The following KCNIP1 variants were observed in gnomAD, a reference collection of about 807,000 sequenced individuals.
KCNIP1 encodes the protein A-type potassium channel modulatory protein KCNIP1.
A neutral mutation model predicts 33.0 loss-of-function variants in KCNIP1; 18 were observed. The observed-to-expected ratio is 0.55, with a 90% CI of 0.38 to 0.81. The LOEUF is 0.81. Ranked by LOEUF, KCNIP1 falls within the 30% of genes least tolerant of loss-of-function variation. KCNIP1 has a pLI of 0.00. For missense variants in KCNIP1, 238 were observed against 271.6 expected (o/e 0.88, Z 0.87); for synonymous variants, 93 against 98.3 (o/e 0.95, Z 0.32).
intron 1 of KCNIP1, among the ~76,000 whole-genome samples, chr5:170,528,602 G>A (rs570663011): frequency 2.0e-5 from 3 of 152,290 alleles, no homozygotes; most frequent in Admixed American, 2.0e-4. Flanking sequence ...CTTGTGCCAG[G>A]CATATATGGA....
At chr5:170,626,383 G>A (rs1374100817) in intron 1 of KCNIP1, among the ~76,000 whole-genome samples, 1 of 152,168 alleles carries the variant, frequency 6.6e-6, no homozygotes, top group Non-Finnish European at 1.5e-5. Flanking sequence ...TCTAACGAGA[G>A]TGTGCTAGCT....
intron 1 of KCNIP1, among the ~76,000 whole-genome samples, chr5:170,470,370 C>G (rs999367774): frequency 5.3e-5 from 8 of 152,006 alleles, no homozygotes; most frequent in Non-Finnish European, 4.4e-5. Context: ...CCTATGCCCC[C>G]TCTCCCCTAG....
rs555980280 is a variant in KCNIP1, at chr5:170,573,880, A to G, written c.61+69247A>G. Among the ~76,000 whole-genome samples, 42 of 152,258 alleles carry G rather than the reference A, an allele frequency of 2.8e-4. 2 individuals carry two copies. The South Asian group carries it at 7.9e-3, about 29-fold the overall frequency. On this transcript the variant is annotated intron_variant, in intron 1 of 7. Transcript: ENST00000328939. The stretch of plus-strand genomic sequence containing the variant: ...AGTTGGACAATTCCTGACCTATGCA[A>G]TGTGATGTTAGTGGCTTATGTTTGT...
At chr5:170,426,511 T>C (rs1230953774) in intron 1 of KCNIP1, among the ~76,000 whole-genome samples, 2 of 152,244 alleles carry the variant, frequency 1.3e-5, no homozygotes, top group Non-Finnish European at 2.9e-5. Context: ...CAGCAGTTAC[T>C]GTCTACATGA....
At chr5:170,577,679 GAA>G (rs1343759191) in intron 1 of KCNIP1, among the ~76,000 whole-genome samples, 19 of 152,334 alleles carry the variant, frequency 1.2e-4, no homozygotes, top group African/African-American at 4.3e-4. Context: ...GTGTGAATTT[GAA>G]AAGAGTAGGA....
intron 1 of KCNIP1, chr5:170,713,028 A>C: frequency 1.4e-6 from 1 of 718,972 alleles, no homozygotes; most frequent in Non-Finnish European, 2.5e-6. Context: ...CATATATAGA[A>C]ACAGTTGGAA....
chr5:170,479,052 CAGAT>C (rs1756919441), intron 1 of KCNIP1, among the ~76,000 whole-genome samples: 2 of 152,296 alleles, frequency 1.3e-5, no homozygotes, highest in South Asian at 4.1e-4. Context: ...TGTGTAGTGT[CAGAT>C]AGAATTCAAG....
At chr5:170,450,203 GAA>G (rs2113069418) in intron 1 of KCNIP1, among the ~76,000 whole-genome samples, 1 of 137,892 alleles carries the variant, frequency 7.3e-6, no homozygotes, top group South Asian at 2.3e-4. Context: ...AATCTGTACT[GAA>G]TATATGCCCA....
At chr5:170,373,771 T>C (rs1763913342) in intron 1 of KCNIP1, among the ~76,000 whole-genome samples, 3 of 152,350 alleles carry the variant, frequency 2.0e-5, no homozygotes, top group East Asian at 1.9e-4. Flanking sequence ...AACATTCCAT[T>C]GCACTCTCAT....
intron 1 of KCNIP1, among the ~76,000 whole-genome samples, chr5:170,548,338 C>T (rs1047695629): frequency 2.0e-5 from 3 of 152,168 alleles, no homozygotes; most frequent in East Asian, 1.9e-4. Context: ...TCCTGCAAGC[C>T]TTATCTCACA....
chr5:170,638,224 G>A (rs1169926680), intron 1 of KCNIP1, among the ~76,000 whole-genome samples: 1 of 152,156 alleles, frequency 6.6e-6, no homozygotes, highest in Non-Finnish European at 1.5e-5. Flanking sequence ...GGAGGAGGCA[G>A]CCAGGCCAGG....
chr5:170,428,404 A>G (rs1338581219), intron 1 of KCNIP1, among the ~76,000 whole-genome samples: 1 of 149,290 alleles, frequency 6.7e-6, no homozygotes, highest in Non-Finnish European at 1.5e-5. Flanking sequence ...CTTTGGAGCT[A>G]GATTTGGGCT....
chr5:170,506,354 T>C (rs936320729), intron 1 of KCNIP1, among the ~76,000 whole-genome samples: 1 of 152,042 alleles, frequency 6.6e-6, no homozygotes, highest in African/African-American at 2.4e-5. Flanking sequence ...ATGTAGGAAG[T>C]AGAGGAAGGG....
chr5:170,407,999 A>G (rs1377842629), intron 1 of KCNIP1, among the ~76,000 whole-genome samples: 1 of 152,202 alleles, frequency 6.6e-6, no homozygotes, highest in Non-Finnish European at 1.5e-5. Context: ...AATCTCTCTC[A>G]GCCTCAACTT....
At chr5:170,532,245 C>T (rs1341225839) in intron 1 of KCNIP1, among the ~76,000 whole-genome samples, 1 of 152,236 alleles carries the variant, frequency 6.6e-6, no homozygotes, top group Admixed American at 6.5e-5. Flanking sequence ...CTATAACTGA[C>T]TTTAATTTCA....
At chr5:170,380,851 C>G (rs983794628) in intron 1 of KCNIP1, among the ~76,000 whole-genome samples, 2 of 152,200 alleles carry the variant, frequency 1.3e-5, no homozygotes, top group African/African-American at 4.8e-5. Context: ...CTGCCACAAC[C>G]TCACTGGGCC....
At chr5:170,390,517 A>AAAAATATATATATATATATATATAT in intron 1 of KCNIP1, among the ~76,000 whole-genome samples, 5 of 74,546 alleles carry the variant, frequency 6.7e-5, no homozygotes, top group Non-Finnish European at 9.9e-5. Context: ...AAAAAAAACA[A>AAAAATATATATATATATATATATAT]ATATATATAT....
intron 1 of KCNIP1, among the ~76,000 whole-genome samples, chr5:170,605,008 A>C (rs1446387537): frequency 6.6e-6 from 1 of 152,250 alleles, no homozygotes; most frequent in Non-Finnish European, 1.5e-5. Context: ...GGACTCAGGC[A>C]CATGTCCACC....
chr5:170,368,540 G>A (rs1211431430), intron 1 of KCNIP1, among the ~76,000 whole-genome samples: 12 of 152,164 alleles, frequency 7.9e-5, no homozygotes, highest in Non-Finnish European at 1.8e-4. Flanking sequence ...TGGCATTACT[G>A]TTGTGAGCCA....
Sources: gnomAD v4.1 joint callset for allele counts (sites outside exome capture counted in the v4.1 genomes callset) on GRCh38, gnomAD v4.1.1 for gene constraint, MANE v1.5 for transcripts, NCBI Gene and HGNC (gene_info 2026-07-23, HGNC 2026-07-21) for gene names.